The following FKBP11 variants were observed in gnomAD, a reference collection of about 807,000 sequenced individuals.
FKBP11 encodes peptidyl-prolyl cis-trans isomerase FKBP11.
A neutral mutation model predicts 24.7 loss-of-function variants in FKBP11; 21 were observed. That is an observed-to-expected ratio of 0.85 (90% CI 0.60 to 1.23). The LOEUF (loss-of-function observed/expected upper bound fraction) is 1.23. FKBP11 is among the 50% of genes most tolerant of loss of function. The probability of loss-of-function intolerance (pLI) is 0.00; values close to 1 mark genes in which losing one functional copy is unlikely to be tolerated. For missense variants in FKBP11, 245 were observed against 248.7 expected, an observed-to-expected ratio of 0.99 and a Z score of 0.10; for synonymous variants, 106 against 100.6, an observed-to-expected ratio of 1.05 and a Z score of -0.32.
At chr12:48,936,650 C>T in the FKBP11 span, 1 of 152,274 alleles carries the variant, frequency 6.6e-6, no homozygotes, top group African/African-American at 2.4e-5. Flanking sequence ...CTGGAGCCCC[C>T]AAAAAAACAA....
chr12:48,931,600 G>C, the FKBP11 span: 10 of 835,036 alleles, frequency 1.2e-5, no homozygotes, highest in Non-Finnish European at 1.9e-5. Context: ...CACACTCAAA[G>C]GTGTCTCTGT....
At chr12:48,922,817 C>T (rs530937602) in intron 5 of FKBP11, 1 of 1,011,482 alleles carries the variant, frequency 9.9e-7, no homozygotes, top group South Asian at 3.6e-5. Context: ...CCCCTACCCT[C>T]CTTCCAGGCC....
the FKBP11 span, among the ~76,000 whole-genome samples, chr12:48,935,281 A>C: frequency 6.6e-6 from 1 of 152,150 alleles, no homozygotes; most frequent in Admixed American, 6.6e-5. Flanking sequence ...GCTGAAAAGG[A>C]AAATTGGCAG....
chr12:48,926,849 G>A (rs919940121), upstream of FKBP11, among the ~76,000 whole-genome samples: 4 of 151,754 alleles, frequency 2.6e-5, no homozygotes, highest in African/African-American at 7.3e-5. Flanking sequence ...CACTCTTGTC[G>A]CCCAGGCTGG....
chr12:48,930,532 C>T (rs962009277), upstream of FKBP11, among the ~76,000 whole-genome samples: 8 of 152,050 alleles, frequency 5.3e-5, no homozygotes, highest in African/African-American at 1.9e-4. Context: ...TTAAATATTA[C>T]ACGAATAAAC....
chr12:48,924,521 A>G (rs1939908445), intron 3 of FKBP11, 40 bp downstream of exon 3: 1 of 1,565,266 alleles, frequency 6.4e-7, no homozygotes, highest in East Asian at 2.2e-5. Context: ...GAAAGGGCTT[A>G]GGTTGGGAAG....
chr12:48,923,886 A>G lies in FKBP11; in HGVS notation c.318-34T>C, dbSNP rs377590892. ...AGGAATGTCAGTCACAGCCAGAGGC[A>G]GGAGAGGTAGGCCAGCAGCCTCAGT... On this transcript the variant is annotated intron_variant, in intron 4 of 5. Transcript: ENST00000550765. The G allele has an allele frequency of 7.2e-4, 1,151 of 1,599,828 alleles. 1 individual carries two copies. The highest frequency in any genetic ancestry group is 9.1e-4 in the Non-Finnish European group (1,065 of 1,166,978).
upstream of FKBP11, chr12:48,925,493 A>G (rs1939946056): frequency 2.6e-6 from 4 of 1,510,556 alleles, no homozygotes; most frequent in African/African-American, 2.8e-5. Context: ...CAGCCAGGAC[A>G]GCGTTCCCGC....
the FKBP11 span, chr12:48,935,756 G>GTCCAGA: frequency 6.6e-6 from 1 of 152,054 alleles, no homozygotes; most frequent in Non-Finnish European, 1.5e-5. Context: ...CACTGCCAAA[G>GTCCAGA]TCCAGAACTA....
chr12:48,932,980 G>C, the FKBP11 span, among the ~76,000 whole-genome samples: 1 of 152,178 alleles, frequency 6.6e-6, no homozygotes, highest in Non-Finnish European at 1.5e-5. Flanking sequence ...ACCATGTTCA[G>C]CTCAGAAGCC....
At chr12:48,922,455 T>C in intron 5 of FKBP11, 1 of 902,012 alleles carries the variant, frequency 1.1e-6, no homozygotes, top group Non-Finnish European at 1.5e-6. Flanking sequence ...AGGAAAACTT[T>C]CTGTGAATAT....
At position 48,924,652 on chromosome 12, in the gene FKBP11, G is replaced by A. The variant is rs745763290; in HGVS notation, c.196-4C>T. The A allele has an allele frequency of 3.7e-6, 6 of 1,613,268 alleles. No individual in the cohort carries two copies. The highest frequency in any genetic ancestry group is 2.2e-5 in the East Asian group (1 of 44,872). The stretch of plus-strand genomic sequence containing the variant: ...TACGTCCATCTACCAAGCTTCCCTG[G>A]GGGGAGAGAGCATCAAGAGCATACA... On this transcript the variant is annotated splice_region_variant and splice_polypyrimidine_tract_variant and intron_variant, in intron 2 of 5. Transcript: ENST00000550765.
intron 5 of FKBP11, chr12:48,923,580 G>A: frequency 1.3e-6 from 2 of 1,551,830 alleles, no homozygotes; most frequent in African/African-American, 1.4e-5. Flanking sequence ...CATGCCAGGT[G>A]GCCTCATCAG....
At position 48,924,686 on chromosome 12, in the gene FKBP11, C is replaced by T. The variant is rs774999408; in HGVS notation, c.196-38G>A. ...AGCATCAAGAGCATACATCTAGCAC[C>T]CTCTCCCTCCCAGCAGGCGCGCAAC... is the stretch of plus-strand genomic sequence containing the variant. On this transcript the variant is annotated intron_variant, in intron 2 of 5. Transcript: ENST00000550765. The T allele has an allele frequency of 6.9e-6, 11 of 1,599,752 alleles. No homozygotes were observed. The South Asian group carries it at 7.7e-5, about 11-fold the overall frequency.
upstream of FKBP11, among the ~76,000 whole-genome samples, chr12:48,931,128 T>TAAAAAAAAAA (rs35482677): frequency 5.5e-5 from 2 of 36,210 alleles, no homozygotes; most frequent in East Asian, 1.4e-3. Flanking sequence ...GACTCCAGCT[T>TAAAAAAAAAA]AAAAAAAAAA....
chr12:48,923,564 G>A, intron 5 of FKBP11: 3 of 1,551,712 alleles, frequency 1.9e-6, no homozygotes, highest in Non-Finnish European at 2.6e-6. Flanking sequence ...ACTGGCTGCT[G>A]GAGGTCATGC....
intron 2 of FKBP11, 123 bp from the exon 3 acceptor site, chr12:48,924,771 T>A: frequency 6.6e-7 from 1 of 1,506,318 alleles, no homozygotes. Context: ...GCGTTCCCCT[T>A]ACCGCTGTAA....
At chr12:48,932,252 TATATATA>T in the FKBP11 span, among the ~76,000 whole-genome samples, 31 of 37,820 alleles carry the variant, frequency 8.2e-4, no homozygotes, top group African/African-American at 3.2e-3. Context: ...TATATATATA[TATATATA>T]TATTTTTTTT....
chr12:48,932,122 G>A, the FKBP11 span, among the ~76,000 whole-genome samples: 1 of 147,066 alleles, frequency 6.8e-6, no homozygotes, highest in Non-Finnish European at 1.5e-5. Flanking sequence ...ACCAGCTTGG[G>A]CAACATAGTG....
Sources: allele counts gnomAD v4.1 joint callset (sites outside exome capture counted in the v4.1 genomes callset), GRCh38; gene constraint gnomAD v4.1.1; transcripts MANE v1.5; gene names NCBI Gene and HGNC (gene_info 2026-07-23, HGNC 2026-07-21).